The following ABCG2 variants were observed in gnomAD, a reference collection of about 807,000 sequenced individuals.
ABCG2 encodes the protein broad substrate specificity ATP-binding cassette transporter ABCG2.
ABCG2 carries 80 observed loss-of-function variants against 73.5 expected under a neutral mutation model. That is an observed-to-expected ratio of 1.09 (90% CI 0.91 to 1.31). The LOEUF is 1.31. Ranked by LOEUF, ABCG2 falls within the 50% of genes most tolerant of loss-of-function variation. The pLI, the probability that ABCG2 is intolerant of heterozygous loss-of-function variation, is 0.00. For synonymous variants in ABCG2, 269 were observed against 282.4 expected (o/e 0.95, Z 0.48); for missense variants, 796 against 786.2 (o/e 1.01, Z -0.15).
At chr4:88,154,296 A>G (rs1242371149) in intron 1 of ABCG2, among the ~76,000 whole-genome samples, 1 of 152,194 alleles carries the variant, frequency 6.6e-6, no homozygotes, top group African/African-American at 2.4e-5. Flanking sequence ...AGCGGCTTTG[A>G]GAAGCGTTTT....
chr4:88,126,959 T>C (rs1485796670), intron 5 of ABCG2, among the ~76,000 whole-genome samples: 3 of 152,158 alleles, frequency 2.0e-5, no homozygotes, highest in African/African-American at 7.2e-5. Context: ...ATAAAGTGTA[T>C]TCAAATAGGA....
At chr4:88,156,008 C>T (rs1047042907) in intron 1 of ABCG2, among the ~76,000 whole-genome samples, 9 of 152,072 alleles carry the variant, frequency 5.9e-5, no homozygotes, top group Admixed American at 5.9e-4. Flanking sequence ...ATGGATCATT[C>T]CAAGGTTGGG....
intron 1 of ABCG2, among the ~76,000 whole-genome samples, chr4:88,218,939 C>T (rs1234837429): frequency 6.6e-6 from 1 of 152,108 alleles, no homozygotes; most frequent in East Asian, 1.9e-4. Flanking sequence ...GGCATTGTAG[C>T]ACCAAAGCAG....
At chr4:88,168,959 C>A (rs894546302) in intron 1 of ABCG2, among the ~76,000 whole-genome samples, 1 of 151,964 alleles carries the variant, frequency 6.6e-6, no homozygotes, top group Non-Finnish European at 1.5e-5. Context: ...AAGGTCATCA[C>A]TCCCAAAGGT....
At chr4:88,147,202 C>G (rs1726116074) in intron 1 of ABCG2, among the ~76,000 whole-genome samples, 1 of 152,208 alleles carries the variant, frequency 6.6e-6, no homozygotes, top group South Asian at 2.1e-4. Context: ...GAGCCTGGCA[C>G]TATTGTGCCT....
Position 88,131,050 on chromosome 4 carries a change from T to C in ABCG2, c.531+11A>G, listed in dbSNP as rs1283087860. 6.2e-7 allele frequency: 1 copy of C among 1,613,650 alleles called. No individual in the cohort carries two copies. The highest frequency in any genetic ancestry group is 2.2e-5 in the East Asian group (1 of 44,870). ...ATGCTGATCATGATGCTTTCAGTTT[T>C]TCCACATTACCTTGGAGTCTGCCAC... On this transcript the variant is annotated intron_variant, in intron 5 of 15. Transcript: ENST00000237612.
At chr4:88,215,896 T>A (rs189662785) in intron 1 of ABCG2, among the ~76,000 whole-genome samples, 1 of 152,344 alleles carries the variant, frequency 6.6e-6, no homozygotes, top group Non-Finnish European at 1.5e-5. Context: ...CAGACCTATG[T>A]CAGTTAGGAG....
chr4:88,099,590 T>C, intron 11 of ABCG2, 142 bp from the exon 12 acceptor site: 7 of 735,306 alleles, frequency 9.5e-6, no homozygotes, highest in Admixed American at 3.2e-5. Context: ...AGACCCACTA[T>C]GCATGCCCAT....
intron 9 of ABCG2, among the ~76,000 whole-genome samples, chr4:88,110,420 G>A (rs552534407): frequency 7.9e-5 from 12 of 152,126 alleles, no homozygotes; most frequent in African/African-American, 1.7e-4. Flanking sequence ...GCGGGCACCC[G>A]TAGTCCCAGC....
At chr4:88,172,843 T>A (rs1302902771) in intron 1 of ABCG2, among the ~76,000 whole-genome samples, 1 of 152,124 alleles carries the variant, frequency 6.6e-6, no homozygotes, top group African/African-American at 2.4e-5. Flanking sequence ...ACAGTATGCA[T>A]GAAGATAAGC....
At chr4:88,111,943 C>T (rs181750522) in intron 9 of ABCG2, among the ~76,000 whole-genome samples, 1 of 152,024 alleles carries the variant, frequency 6.6e-6, no homozygotes, top group Non-Finnish European at 1.5e-5. Flanking sequence ...AAAAATCAGC[C>T]AGGTGTTGTG....
In ABCG2 at chr4:88,149,998, C is replaced by T. The variant is rs193229722; in HGVS notation, c.-20+8388G>A. 4.6e-5 allele frequency among the ~76,000 whole-genome samples: 7 copies of T among 151,668 alleles called. No homozygotes were observed. The East Asian group carries it at 5.8e-4, about 13-fold the overall frequency. ...TGAAAAATATCAGTCAACAGTGCTA[C>T]GGAGAAAAAAAATTAAAGCAAAAGA... On this transcript the variant is annotated intron_variant, in intron 1 of 15. Transcript: ENST00000237612.
chr4:88,202,350 T>TTTTATATATATATATATATATATA (rs1553945696), intron 1 of ABCG2, among the ~76,000 whole-genome samples: 24 of 35,374 alleles, frequency 6.8e-4, no homozygotes, highest in African/African-American at 3.7e-3. Context: ...ATCTCTACAA[T>TTTTATATATATATATATATATATA]TATTTATATA....
intron 9 of ABCG2, among the ~76,000 whole-genome samples, chr4:88,108,857 A>C (rs142346359): frequency 6.6e-6 from 1 of 152,202 alleles, no homozygotes. Context: ...TTATGCTGGC[A>C]TATTTTCATT....
chr4:88,199,131 A>G lies in ABCG2; in HGVS notation c.-20+31863T>C, dbSNP rs1305239513. Among the ~76,000 whole-genome samples, 3 of 151,796 alleles carry G rather than the reference A, an allele frequency of 2.0e-5. No homozygotes were observed. The East Asian group carries it at 5.8e-4, about 29-fold the overall frequency. ...TTACAGGCTCCTGCCACCACACCCA[A>G]CTAATTTTTGCATTTTTAGTAAAGA... On this transcript the variant is annotated intron_variant, in intron 1 of 15. Coordinates refer to the ABCG2 transcript ENST00000515655.
intron 1 of ABCG2, among the ~76,000 whole-genome samples, chr4:88,227,008 AGG>A (rs1730245482): frequency 6.6e-6 from 1 of 152,034 alleles, no homozygotes; most frequent in Non-Finnish European, 1.5e-5. Context: ...GCTACTCGGG[AGG>A]TTGATATGGA....
At chr4:88,222,416 C>A (rs76262124) in intron 1 of ABCG2, among the ~76,000 whole-genome samples, 8 of 151,980 alleles carry the variant, frequency 5.3e-5, no homozygotes, top group Admixed American at 1.3e-4. Context: ...GTCACTGAAT[C>A]GTGGGCCGCT....
At position 88,097,575 on chromosome 4, in the gene ABCG2, T is replaced by G. The variant is rs947436297; in HGVS notation, c.1525A>C (p.Met509Leu). Residue 509 changes from methionine (M) to leucine (L), a missense_variant, in exon 13 of 16, where the codon ATG becomes CTG. By Grantham distance (15) the Met-to-Leu change is conservative (BLOSUM62 2). Transcript: ENST00000237612. ...LKPKADAFFV[M>L]MFTLMMVAYS... ...GCCACCATCATAAGGGTAAACATCA[T>G]AACGAAGAAGGCATCTGCCTTTGGC... 1.5e-5 allele frequency: 25 copies of G among 1,613,970 alleles called. No homozygotes were observed. The highest frequency in any genetic ancestry group is 5.3e-5 in the African/African-American group (4 of 74,912).
intron 1 of ABCG2, among the ~76,000 whole-genome samples, chr4:88,196,196 A>T (rs2110111084): frequency 6.6e-6 from 1 of 152,250 alleles, no homozygotes; most frequent in East Asian, 1.9e-4. Context: ...AGAGCTCTGC[A>T]TTGGAGCTTG....
Sources: gnomAD v4.1 joint callset for allele counts (sites outside exome capture counted in the v4.1 genomes callset) on GRCh38, gnomAD v4.1.1 for gene constraint, MANE v1.5 for transcripts, NCBI Gene and HGNC (gene_info 2026-07-23, HGNC 2026-07-21) for gene names.